SGCZ: variants seen among roughly 807,000 people sequenced by gnomAD.
The protein encoded by SGCZ is sarcoglycan zeta, also known as zeta-sarcoglycan.
A neutral mutation model predicts 41.3 loss-of-function variants in SGCZ; 40 were observed. The ratio of observed to expected loss-of-function variants is 0.97; its 90% confidence interval spans 0.75 to 1.26. The LOEUF (loss-of-function observed/expected upper bound fraction) is 1.26. SGCZ is among the 50% of genes most tolerant of loss of function. SGCZ has a pLI of 0.00. For synonymous variants in SGCZ, 206 were observed against 137.5 expected, an observed-to-expected ratio of 1.50 and a Z score of -3.49; for missense variants, 552 against 369.8, an observed-to-expected ratio of 1.49 and a Z score of -4.04.
intron 1 of SGCZ, among the ~76,000 whole-genome samples, chr8:15,131,018 A>AT (rs1363299486): frequency 1.3e-5 from 2 of 152,166 alleles, no homozygotes; most frequent in East Asian, 1.9e-4. Flanking sequence ...AGTTACTAGG[A>AT]TTTTTTTCAA....
chr8:14,203,006 A>T (rs543909922), intron 4 of SGCZ, among the ~76,000 whole-genome samples: 14 of 152,264 alleles, frequency 9.2e-5, no homozygotes, highest in Admixed American at 8.5e-4. Context: ...CGATGGTTTT[A>T]AAAATGGGAG....
intron 1 of SGCZ, among the ~76,000 whole-genome samples, chr8:14,653,817 C>T (rs187657396): frequency 6.6e-6 from 1 of 151,496 alleles, no homozygotes; most frequent in Non-Finnish European, 1.5e-5. Flanking sequence ...ATTAAAAAAA[C>T]CCTCAGTTGT....
chr8:14,558,204 G>C (rs947694638), intron 1 of SGCZ, among the ~76,000 whole-genome samples: 1 of 152,096 alleles, frequency 6.6e-6, no homozygotes, highest in African/African-American at 2.4e-5. Context: ...TCCAGGACCA[G>C]TTGGATTCAC....
At chr8:14,857,206 C>G (rs1044137044) in intron 1 of SGCZ, among the ~76,000 whole-genome samples, 2 of 152,170 alleles carry the variant, frequency 1.3e-5, no homozygotes, top group Non-Finnish European at 2.9e-5. Flanking sequence ...TTGTAAGTTT[C>G]CTGAGGCCTG....
intron 1 of SGCZ, among the ~76,000 whole-genome samples, chr8:14,746,192 GA>G (rs1340120838): frequency 1.3e-5 from 2 of 151,962 alleles, no homozygotes; most frequent in Non-Finnish European, 2.9e-5. Flanking sequence ...CAAACGTAGA[GA>G]TTTAAAAAAA....
chr8:14,793,554 G>C (rs1801027860), intron 1 of SGCZ, among the ~76,000 whole-genome samples: 1 of 152,198 alleles, frequency 6.6e-6, no homozygotes, highest in Non-Finnish European at 1.5e-5. Context: ...TGACAAAGCT[G>C]CTTCCTTAAC....
chr8:14,199,780 T>C (rs1390250989), intron 4 of SGCZ, among the ~76,000 whole-genome samples: 1 of 152,078 alleles, frequency 6.6e-6, no homozygotes. Flanking sequence ...AATGAAGAAA[T>C]AAACGCATTT....
intron 7 of SGCZ, among the ~76,000 whole-genome samples, chr8:14,100,784 C>G (rs887566977): frequency 2.0e-5 from 3 of 151,414 alleles, no homozygotes; most frequent in African/African-American, 4.8e-5. Context: ...AGGAATATTC[C>G]CCTTTTGCCT....
At chr8:14,570,430 T>A (rs566074978) in intron 1 of SGCZ, among the ~76,000 whole-genome samples, 1 of 152,304 alleles carries the variant, frequency 6.6e-6, no homozygotes, top group African/African-American at 2.4e-5. Context: ...CTAAGTATAT[T>A]TGTTCTTTCT....
intron 2 of SGCZ, among the ~76,000 whole-genome samples, chr8:14,443,589 G>A (rs1319506458): frequency 6.6e-6 from 1 of 152,106 alleles, no homozygotes; most frequent in East Asian, 1.9e-4. Flanking sequence ...AAATGGTGCT[G>A]GGAAAACTGG....
At chr8:14,960,937 A>G (rs1800944111) in intron 1 of SGCZ, among the ~76,000 whole-genome samples, 1 of 119,702 alleles carries the variant, frequency 8.4e-6, no homozygotes, top group Admixed American at 7.8e-5. Context: ...AATGGCACAC[A>G]CACACACACA....
At chr8:14,632,336 T>C (rs1191313234) in intron 1 of SGCZ, among the ~76,000 whole-genome samples, 1 of 152,088 alleles carries the variant, frequency 6.6e-6, no homozygotes, top group Non-Finnish European at 1.5e-5. Flanking sequence ...GCTTACATTA[T>C]AATCTAGTGC....
At chr8:14,399,539 T>G (rs1253476309) in intron 2 of SGCZ, among the ~76,000 whole-genome samples, 1 of 152,150 alleles carries the variant, frequency 6.6e-6, no homozygotes, top group Admixed American at 6.6e-5. Flanking sequence ...AAAGTCCCAG[T>G]CTTTCTTCCT....
chr8:15,186,803 C>T (rs1800361882), intron 1 of SGCZ, among the ~76,000 whole-genome samples: 1 of 152,150 alleles, frequency 6.6e-6, no homozygotes, highest in Non-Finnish European at 1.5e-5. Context: ...AAGTCTACAA[C>T]ATTGATTTTG....
chr8:14,156,013 G>T (rs1024663685), intron 5 of SGCZ, among the ~76,000 whole-genome samples: 5 of 152,022 alleles, frequency 3.3e-5, no homozygotes, highest in African/African-American at 1.2e-4. Flanking sequence ...TTAAATAATG[G>T]TACACCCCTA....
chr8:14,253,798 A>G (rs1799369562), intron 3 of SGCZ, among the ~76,000 whole-genome samples: 1 of 152,166 alleles, frequency 6.6e-6, no homozygotes, highest in Non-Finnish European at 1.5e-5. Context: ...AGAAATTTCC[A>G]CATCTAATAA....
chr8:14,336,967 G>A (rs1196269788), intron 2 of SGCZ, among the ~76,000 whole-genome samples: 1 of 152,000 alleles, frequency 6.6e-6, no homozygotes, highest in Non-Finnish European at 1.5e-5. Context: ...CCTTTACTCT[G>A]GCACTGTTCC....
chr8:14,416,348 G>T (rs1275890572), intron 2 of SGCZ, among the ~76,000 whole-genome samples: 1 of 151,876 alleles, frequency 6.6e-6, no homozygotes, highest in Non-Finnish European at 1.5e-5. Context: ...ATTTAATGTT[G>T]TATGTCAATG....
In SGCZ at chr8:14,108,234, G is replaced by T; in HGVS notation, c.549C>A (p.Gly183=). 1.2e-6 allele frequency: 2 copies of T among 1,614,062 alleles called. No homozygotes were observed. The highest frequency in any genetic ancestry group is 1.6e-4 in the Middle Eastern group (1 of 6,062). Residue 183 remains glycine, a splice_region_variant and synonymous_variant, in exon 6 of 8, where the codon GGC becomes GGA. Coordinates refer to ENST00000382080, the MANE Select transcript of SGCZ (RefSeq NM_139167.4). The part of the protein sequence containing the change: ...TIGAEKLKVT[G]TEGAVFGHSV... ...AGTGCCCAAATACGGCTCCTTCAGTGCCTGGGGGTAGCATGAATATAGCAG... is the reference window on the plus strand; with the variant it reads ...AGTGCCCAAATACGGCTCCTTCAGTTCCTGGGGGTAGCATGAATATAGCAG...
Sources: gnomAD v4.1 joint callset for allele counts (sites outside exome capture counted in the v4.1 genomes callset) on GRCh38, gnomAD v4.1.1 for gene constraint, MANE v1.5 for transcripts, NCBI Gene and HGNC (gene_info 2026-07-23, HGNC 2026-07-21) for gene names.